The following NARS2 variants were observed in gnomAD, a reference collection of about 807,000 sequenced individuals.
NARS2 encodes the protein asparaginyl-tRNA synthetase 2, mitochondrial.
A neutral mutation model predicts 62.9 loss-of-function variants in NARS2; 60 were observed. That is an observed-to-expected ratio of 0.95 (90% CI 0.77 to 1.18). NARS2 has a LOEUF of 1.18. Ranked by LOEUF, NARS2 falls within the 50% of genes most tolerant of loss-of-function variation. The probability of loss-of-function intolerance (pLI) is 0.00; values close to 1 mark genes in which losing one functional copy is unlikely to be tolerated. For synonymous variants in NARS2, 196 were observed against 200.0 expected (o/e 0.98, Z 0.17); for missense variants, 619 against 576.4 (o/e 1.07, Z -0.76).
At chr11:78,490,193 T>C (rs1475996471) in intron 7 of NARS2, among the ~76,000 whole-genome samples, 1 of 152,246 alleles carries the variant, frequency 6.6e-6, no homozygotes, top group Non-Finnish European at 1.5e-5. Context: ...ACACCTATTA[T>C]GCAACTCTCA....
At chr11:78,564,166 C>T (rs1041304457) in intron 4 of NARS2, among the ~76,000 whole-genome samples, 164 of 151,594 alleles carry the variant, frequency 1.1e-3, no homozygotes, top group East Asian at 3.9e-4. Context: ...TCCCAAAGTG[C>T]TAGGATTACA....
At chr11:78,569,320 C>A (rs541982412) in intron 2 of NARS2, among the ~76,000 whole-genome samples, 8 of 152,194 alleles carry the variant, frequency 5.3e-5, no homozygotes, top group African/African-American at 1.4e-4. Flanking sequence ...TGTTCTAATT[C>A]TTTTTTCTTT....
intron 11 of NARS2, among the ~76,000 whole-genome samples, chr11:78,462,440 G>A (rs1278724835): frequency 3.9e-5 from 6 of 152,160 alleles, no homozygotes; most frequent in African/African-American, 1.4e-4. Context: ...TGTGAAAGGT[G>A]AGGATGAGTA....
chr11:78,557,478 C>T (rs903384627), intron 5 of NARS2, among the ~76,000 whole-genome samples: 1 of 152,100 alleles, frequency 6.6e-6, no homozygotes, highest in Non-Finnish European at 1.5e-5. Context: ...TCTTTGTAGT[C>T]AAACTTCTGA....
At chr11:78,450,813 T>G (rs1857946538) in intron 11 of NARS2, among the ~76,000 whole-genome samples, 1 of 152,054 alleles carries the variant, frequency 6.6e-6, no homozygotes, top group South Asian at 2.1e-4. Context: ...TAGCTGGTAT[T>G]ACAGATGCAT....
chr11:78,465,212 A>G (rs1048306339), intron 11 of NARS2, among the ~76,000 whole-genome samples: 1 of 152,162 alleles, frequency 6.6e-6, no homozygotes, highest in African/African-American at 2.4e-5. Flanking sequence ...GGGCCCGCCG[A>G]GCCCACACCC....
intron 4 of NARS2, among the ~76,000 whole-genome samples, chr11:78,562,320 C>CT (rs1359340476): frequency 6.6e-6 from 1 of 151,886 alleles, no homozygotes; most frequent in Non-Finnish European, 1.5e-5. Context: ...GTCCCAGCTA[C>CT]TTGGGAGGCT....
intron 7 of NARS2, among the ~76,000 whole-genome samples, chr11:78,484,991 A>G (rs1859510410): frequency 6.6e-6 from 1 of 152,244 alleles, no homozygotes; most frequent in Non-Finnish European, 1.5e-5. Flanking sequence ...CCAAATGCCC[A>G]TCAGTGATAG....
intron 6 of NARS2, among the ~76,000 whole-genome samples, chr11:78,509,826 C>CAAAAAAA (rs71046976): frequency 8.6e-6 from 1 of 116,632 alleles, no homozygotes; most frequent in African/African-American, 3.6e-5. Context: ...GACTCTGTCT[C>CAAAAAAA]AAAAAAAAAA....
chr11:78,509,141 G>A (rs1229874797), intron 6 of NARS2, among the ~76,000 whole-genome samples: 2 of 150,396 alleles, frequency 1.3e-5, no homozygotes, highest in Admixed American at 6.6e-5. Context: ...ATTATCAACA[G>A]ATTCCTCATC....
intron 6 of NARS2, 57 bp downstream of exon 6, chr11:78,528,785 A>G (rs1206033249): frequency 4.6e-6 from 5 of 1,083,814 alleles, no homozygotes; most frequent in Non-Finnish European, 7.1e-6. Context: ...TGGGAAGGGA[A>G]GCACTCTCAA....
intron 5 of NARS2, among the ~76,000 whole-genome samples, chr11:78,539,799 G>A (rs61379605): frequency 0.023 from 3,460 of 152,248 alleles, 129 homozygotes; most frequent in African/African-American, 0.079. Context: ...ACAAAGTCCT[G>A]CGTAACTAAG....
intron 13 of NARS2, among the ~76,000 whole-genome samples, chr11:78,437,152 T>G (rs1349624736): frequency 6.6e-6 from 1 of 152,250 alleles, no homozygotes; most frequent in African/African-American, 2.4e-5. Flanking sequence ...CTTGAAAATA[T>G]ACGCCTCTTT....
At chr11:78,486,466 C>A (rs1440146820) in intron 7 of NARS2, among the ~76,000 whole-genome samples, 1 of 152,228 alleles carries the variant, frequency 6.6e-6, no homozygotes, top group East Asian at 1.9e-4. Context: ...CTACAAATCA[C>A]TGTGCAATTT....
At chr11:78,541,428 G>C (rs1855617009) in intron 5 of NARS2, among the ~76,000 whole-genome samples, 1 of 151,552 alleles carries the variant, frequency 6.6e-6, no homozygotes, top group Non-Finnish European at 1.5e-5. Flanking sequence ...GCCTTCCGAT[G>C]GGACTACAGG....
chr11:78,477,792 C>T (rs1859165475), intron 9 of NARS2, among the ~76,000 whole-genome samples: 1 of 152,208 alleles, frequency 6.6e-6, no homozygotes, highest in Non-Finnish European at 1.5e-5. Flanking sequence ...TGCCAGCAGA[C>T]TGCCTTTGGA....
At chr11:78,524,361 T>C (rs1861226686) in intron 6 of NARS2, among the ~76,000 whole-genome samples, 1 of 145,736 alleles carries the variant, frequency 6.9e-6, no homozygotes, top group African/African-American at 2.4e-5. Context: ...AAGGTATTCC[T>C]CTAGAAAAAC....
chr11:78,570,909 A>T (rs1324055450), intron 2 of NARS2, among the ~76,000 whole-genome samples: 1 of 152,184 alleles, frequency 6.6e-6, no homozygotes, highest in African/African-American at 2.4e-5. Flanking sequence ...TAGGCACGGG[A>T]CACTATGGGA....
chr11:78,540,808 T>A (rs1037933125), intron 5 of NARS2, among the ~76,000 whole-genome samples: 1 of 152,206 alleles, frequency 6.6e-6, no homozygotes, highest in Non-Finnish European at 1.5e-5. Context: ...TTGATCCCAA[T>A]TAAGAGATTA....
Sources: gnomAD v4.1 joint callset for allele counts (sites outside exome capture counted in the v4.1 genomes callset) on GRCh38, gnomAD v4.1.1 for gene constraint, MANE v1.5 for transcripts, NCBI Gene and HGNC (gene_info 2026-07-23, HGNC 2026-07-21) for gene names.